CEP76: variants seen among roughly 807,000 people sequenced by gnomAD.
CEP76 encodes centrosomal protein of 76 kDa.
A neutral mutation model predicts 83.3 loss-of-function variants in CEP76; 55 were observed. The observed-to-expected ratio is 0.66, with a 90% CI of 0.53 to 0.83. CEP76 has a LOEUF of 0.83. Ranked by LOEUF, CEP76 falls within the 40% of genes least tolerant of loss-of-function variation. CEP76 has a pLI of 0.00. For missense variants in CEP76, 694 were observed against 799.5 expected, an observed-to-expected ratio of 0.87 and a Z score of 1.59; for synonymous variants, 270 against 274.5, an observed-to-expected ratio of 0.98 and a Z score of 0.16.
intron 7 of CEP76, among the ~76,000 whole-genome samples, chr18:12,689,584 T>C (rs1166134524): frequency 7.1e-6 from 1 of 141,130 alleles, no homozygotes; most frequent in Non-Finnish European, 1.6e-5. Flanking sequence ...GTTTAAGTAA[T>C]ATTTCCTAAA....
chr18:12,680,252 G>A lies in CEP76; in HGVS notation c.1289+410C>T, dbSNP rs558515981. Among the ~76,000 whole-genome samples, 11 of 152,020 alleles carry A rather than the reference G, an allele frequency of 7.2e-5. No homozygotes were observed. The South Asian group carries it at 2.3e-3, about 32-fold the overall frequency. On this transcript the variant is annotated intron_variant, in intron 9 of 11. Coordinates refer to ENST00000262127, the MANE Select transcript of CEP76 (RefSeq NM_024899.4). ...AGGCTCTAACTAAAATCATCAACAC[G>A]TACCTTCAAGTACCATCAATATGGA...
At chr18:12,668,283 C>T (rs1015275689), downstream of CEP76, among the ~76,000 whole-genome samples, 5 of 149,688 alleles carry the variant, frequency 3.3e-5, no homozygotes, top group East Asian at 6.0e-4. Flanking sequence ...CTCCTCCCAC[C>T]GCCACTGGCC....
intron 12 of CEP76, chr18:12,662,270 T>C: frequency 2.4e-6 from 1 of 410,148 alleles, no homozygotes; most frequent in South Asian, 1.8e-5. Context: ...TATACATCTG[T>C]AGTGCTATTT....
chr18:12,687,448 G>A (rs1212763350), intron 7 of CEP76, among the ~76,000 whole-genome samples: 2 of 151,568 alleles, frequency 1.3e-5, no homozygotes, highest in Non-Finnish European at 2.9e-5. Context: ...ACTATAGAAG[G>A]CATCAATTTT....
chr18:12,691,996 G>A (rs1370333102), intron 6 of CEP76, among the ~76,000 whole-genome samples: 15 of 151,948 alleles, frequency 9.9e-5, no homozygotes, highest in Admixed American at 5.9e-4. Context: ...TGGGATTACC[G>A]CGCCTGGCCC....
intron 8 of CEP76, among the ~76,000 whole-genome samples, chr18:12,681,161 G>A (rs1330551029): frequency 1.4e-5 from 2 of 147,000 alleles, no homozygotes; most frequent in Non-Finnish European, 3.0e-5. Flanking sequence ...TCGCGCCACT[G>A]CATTCCAGCC....
chr18:12,685,182 T>C (rs1598636015), intron 8 of CEP76: 1 of 152,140 alleles, frequency 6.6e-6, no homozygotes. Context: ...GTACTTTTAG[T>C]GGAGACGGAG....
rs1003036950 is a variant in CEP76, at chr18:12,702,703, G to T, written c.-155C>A. 25 of 809,806 alleles carry T rather than the reference G, an allele frequency of 3.1e-5. No individual in the cohort carries two copies. The highest frequency in any genetic ancestry group is 4.4e-5 in the Non-Finnish European group (24 of 541,004). 50.2% of individuals were successfully genotyped at this position (809,806 alleles called of 1,614,324 possible). A position where few individuals can be genotyped will look rare whatever the true frequency, so the allele number is the denominator to read the frequency against. ...CCCGGGGGACGCAACGCCGCGTCAG[G>T]CCGGGGGCTGACCTGGAAATGAGGC... On this transcript the variant is annotated 5_prime_UTR_variant, in exon 1 of 12. Coordinates refer to ENST00000262127, the MANE Select transcript of CEP76 (RefSeq NM_024899.4).
intron 10 of CEP76, 148 bp downstream of exon 10, chr18:12,677,961 T>G: frequency 1.7e-6 from 1 of 604,762 alleles, no homozygotes; most frequent in Non-Finnish European, 2.9e-6. Flanking sequence ...TCTCATGACT[T>G]TCAAAATTAT....
chr18:12,662,053 T>C, exon 13 of CEP76: 1 of 348,908 alleles, frequency 2.9e-6, no homozygotes. Flanking sequence ...TACTTCATGC[T>C]TCATACTCTG....
chr18:12,691,643 TTACCCCTAGTACAA>T (rs2039766881), intron 6 of CEP76, among the ~76,000 whole-genome samples, 156 bp from the exon 7 acceptor site: 1 of 152,128 alleles, frequency 6.6e-6, no homozygotes, highest in Non-Finnish European at 1.5e-5. Flanking sequence ...ATTTCTACAC[TTACCCCTAGTACAA>T]TCCCATCTCC....
chr18:12,689,068 C>T (rs1054685107), intron 7 of CEP76, among the ~76,000 whole-genome samples: 10 of 152,130 alleles, frequency 6.6e-5, no homozygotes, highest in Admixed American at 1.3e-4. Context: ...GAGCCAAGAT[C>T]GCACCACTGC....
At chr18:12,680,868 T>C in intron 8 of CEP76, 40 bp from the exon 9 acceptor site, 7 of 1,546,990 alleles carry the variant, frequency 4.5e-6, no homozygotes, top group Non-Finnish European at 6.2e-6. Flanking sequence ...TTCTTCCATA[T>C]TATTTCCTCA....
intron 9 of CEP76, among the ~76,000 whole-genome samples, chr18:12,678,719 G>C (rs2039234358): frequency 6.6e-6 from 1 of 151,946 alleles, no homozygotes; most frequent in African/African-American, 2.4e-5. Context: ...ACTTTGGGAG[G>C]CCGAGGCAGG....
At chr18:12,686,991 GA>G (rs1164150014) in intron 7 of CEP76, among the ~76,000 whole-genome samples, 1 of 152,150 alleles carries the variant, frequency 6.6e-6, no homozygotes, top group Admixed American at 6.6e-5. Context: ...AAACACTCTA[GA>G]AAAAGTTTTA....
At chr18:12,671,587 C>CT (rs975871671), downstream of CEP76, among the ~76,000 whole-genome samples, 1 of 142,494 alleles carries the variant, frequency 7.0e-6, no homozygotes, top group Non-Finnish European at 1.5e-5. Flanking sequence ...TCACTTAACA[C>CT]TTTTTTTAAT....
chr18:12,697,535 C>T (rs1195341362), intron 4 of CEP76, 127 bp from the exon 5 acceptor site: 2 of 659,818 alleles, frequency 3.0e-6, no homozygotes, highest in African/African-American at 3.7e-5. Flanking sequence ...TTGCTAATGT[C>T]TCAGAAAGCA....
At chr18:12,697,483 A>T in intron 4 of CEP76, 75 bp from the exon 5 acceptor site, 1 of 986,924 alleles carries the variant, frequency 1.0e-6, no homozygotes. Context: ...TACTTTTATT[A>T]AACAGTAAAT....
chr18:12,680,511 G>A (rs1041413904), intron 9 of CEP76, 151 bp downstream of exon 9: 6 of 476,260 alleles, frequency 1.3e-5, no homozygotes, highest in African/African-American at 4.1e-5. Context: ...CAGGAGAATC[G>A]GCTTGAACCT....
Sources: gnomAD v4.1 joint callset for allele counts (sites outside exome capture counted in the v4.1 genomes callset) on GRCh38, gnomAD v4.1.1 for gene constraint, MANE v1.5 for transcripts, NCBI Gene and HGNC (gene_info 2026-07-23, HGNC 2026-07-21) for gene names.